Variants in CLIC5 observed in about 807,000 individuals in gnomAD.
The protein encoded by CLIC5 is CLIC family member 5, also known as chloride intracellular channel protein 5.
In CLIC5, 20 loss-of-function variants were observed where a neutral mutation model predicts 24.7. The observed-to-expected ratio is 0.81, with a 90% confidence interval of 0.57 to 1.18. The LOEUF (loss-of-function observed/expected upper bound fraction) is 1.18, where lower values mean the gene tolerates loss of function less well. Among genes scored for constraint, CLIC5 ranks in the 50% most tolerant of loss-of-function variants. The pLI is 0.00. For synonymous variants in CLIC5, 159 were observed against 135.6 expected (o/e 1.17, Z -1.20); for missense variants, 341 against 326.1 (o/e 1.05, Z -0.35).
intron 1 of CLIC5, among the ~76,000 whole-genome samples, chr6:45,978,666 T>A (rs1335983043): frequency 6.6e-6 from 1 of 152,020 alleles, no homozygotes; most frequent in African/African-American, 2.4e-5. Flanking sequence ...GGATTGAAAA[T>A]AATTATGAGG....
the CLIC5 span, among the ~76,000 whole-genome samples, chr6:46,091,279 C>A: frequency 6.6e-6 from 1 of 152,214 alleles, no homozygotes; most frequent in Non-Finnish European, 1.5e-5. Flanking sequence ...CTCTTGCCAC[C>A]ACCATGTTAC....
chr6:46,114,876 G>A, the CLIC5 span, among the ~76,000 whole-genome samples: 1 of 152,170 alleles, frequency 6.6e-6, no homozygotes, highest in Admixed American at 6.6e-5. Context: ...GGGGACTTGG[G>A]AGAGTGATAT....
intron 1 of CLIC5, among the ~76,000 whole-genome samples, chr6:46,040,151 G>A (rs1004609722): frequency 9.9e-5 from 15 of 152,184 alleles, no homozygotes; most frequent in Admixed American, 6.5e-4. Flanking sequence ...GAATGTTTCC[G>A]TTAATGGTAG....
chr6:46,018,097 G>C (rs907932217), upstream of CLIC5, among the ~76,000 whole-genome samples: 2 of 152,202 alleles, frequency 1.3e-5, no homozygotes, highest in African/African-American at 4.8e-5. Flanking sequence ...GTTACAGAGG[G>C]AGACTGGTGC....
At chr6:45,896,586 A>G (rs1762395588), downstream of CLIC5, among the ~76,000 whole-genome samples, 1 of 152,224 alleles carries the variant, frequency 6.6e-6, no homozygotes, top group Admixed American at 6.5e-5. Context: ...TAGGTTAGCT[A>G]CTAGACATAA....
intron 1 of CLIC5, 24 bp downstream of exon 1, chr6:46,015,456 G>A: frequency 6.7e-7 from 1 of 1,487,342 alleles, no homozygotes. Flanking sequence ...GGCAGGTGCG[G>A]CGGGAGACTG....
intron 1 of CLIC5, among the ~76,000 whole-genome samples, chr6:46,055,248 G>T (rs942765645): frequency 6.6e-6 from 1 of 152,170 alleles, no homozygotes; most frequent in African/African-American, 2.4e-5. Context: ...AATTACAGGT[G>T]CCCACCAACA....
chr6:45,943,801 G>A (rs1392915633), intron 3 of CLIC5, among the ~76,000 whole-genome samples: 1 of 152,148 alleles, frequency 6.6e-6, no homozygotes, highest in Non-Finnish European at 1.5e-5. Context: ...CTGTGGTGGT[G>A]TCATCCTGTT....
chr6:45,926,499 G>GC (rs1158419477), intron 4 of CLIC5, among the ~76,000 whole-genome samples: 2 of 151,000 alleles, frequency 1.3e-5, no homozygotes, highest in African/African-American at 2.4e-5. Flanking sequence ...CTTGTGATCC[G>GC]CCCCCCTCGG....
At chr6:46,086,711 C>T in the CLIC5 span, among the ~76,000 whole-genome samples, 8 of 152,206 alleles carry the variant, frequency 5.3e-5, no homozygotes, top group Non-Finnish European at 8.8e-5. Context: ...CAGATGCTCA[C>T]AGAAAACCAT....
chr6:46,054,020 G>A (rs1249942273), intron 1 of CLIC5, among the ~76,000 whole-genome samples: 1 of 152,186 alleles, frequency 6.6e-6, no homozygotes, highest in Non-Finnish European at 1.5e-5. Context: ...ACCTTTGACT[G>A]AGATAAAGAA....
chr6:45,954,395 A>C (rs953030167), intron 2 of CLIC5, among the ~76,000 whole-genome samples: 1 of 152,210 alleles, frequency 6.6e-6, no homozygotes, highest in African/African-American at 2.4e-5. Context: ...TGATAAGAGA[A>C]CATCCAAGTG....
intron 1 of CLIC5, chr6:46,079,589 T>C (rs754665207): frequency 1.5e-5 from 13 of 874,464 alleles, no homozygotes; most frequent in Non-Finnish European, 2.1e-5. Context: ...TGAATATGTA[T>C]TGAGATCCAA....
At chr6:45,972,383 GTCT>G (rs1765230680) in intron 1 of CLIC5, among the ~76,000 whole-genome samples, 1 of 152,326 alleles carries the variant, frequency 6.6e-6, no homozygotes, top group Admixed American at 6.5e-5. Context: ...GCCATATCCT[GTCT>G]TCTTTGTTAG....
At chr6:45,991,888 A>G (rs1765955435) in intron 1 of CLIC5, among the ~76,000 whole-genome samples, 1 of 152,212 alleles carries the variant, frequency 6.6e-6, no homozygotes, top group Non-Finnish European at 1.5e-5. Flanking sequence ...AATCCATAAC[A>G]AGATTTTTAA....
Position 45,952,444 on chromosome 6 carries a change from G to A in CLIC5, c.173+2691C>T, listed in dbSNP as rs528370204. The stretch of plus-strand genomic sequence containing the variant: ...AGTTCTTGCTATGAGTCAGGTACAG[G>A]ACCAATTGCAAATGTTTTACATGGC... On this transcript the variant is annotated intron_variant, in intron 2 of 5. Transcript: ENST00000339561. Among the ~76,000 whole-genome samples, 4 of 152,228 alleles carry A rather than the reference G, an allele frequency of 2.6e-5. No individual in the cohort carries two copies. In the South Asian group the frequency reaches 6.2e-4, roughly 24 times the overall value.
the CLIC5 span, among the ~76,000 whole-genome samples, chr6:46,125,947 C>T: frequency 1.3e-5 from 2 of 152,172 alleles, no homozygotes; most frequent in Middle Eastern, 3.2e-3. Context: ...TGAGGCATGT[C>T]CCCATCACTG....
chr6:45,957,767 T>G (rs780997165), intron 1 of CLIC5, among the ~76,000 whole-genome samples: 6 of 152,370 alleles, frequency 3.9e-5, no homozygotes, highest in Middle Eastern at 3.4e-3. Context: ...CAGCTTCTTC[T>G]ATTCCCCTTC....
intron 1 of CLIC5, among the ~76,000 whole-genome samples, chr6:46,061,589 G>A (rs926405824): frequency 1.3e-5 from 2 of 152,190 alleles, no homozygotes; most frequent in African/African-American, 2.4e-5. Context: ...AGAGACTAGA[G>A]GGGCAACATC....
Sources: allele counts gnomAD v4.1 joint callset (sites outside exome capture counted in the v4.1 genomes callset), GRCh38; gene constraint gnomAD v4.1.1; transcripts MANE v1.5; gene names NCBI Gene and HGNC (gene_info 2026-07-23, HGNC 2026-07-21).